TCF4: variants seen among roughly 807,000 people sequenced by gnomAD.
TCF4 encodes the protein transcription factor 4, also known as SL3-3 enhancer factor 2.
Under a neutral mutation model 82.1 loss-of-function variants are expected in TCF4, and 3 were observed. The ratio of observed to expected loss-of-function variants is 0.04; its 90% confidence interval spans 0.02 to 0.09. The LOEUF (loss-of-function observed/expected upper bound fraction) is 0.09, where lower values mean the gene tolerates loss of function less well. Among genes scored for constraint, TCF4 ranks in the 10% least tolerant of loss-of-function variants. The probability of loss-of-function intolerance (pLI) is 1.00; values close to 1 mark genes in which losing one functional copy is unlikely to be tolerated. For synonymous variants in TCF4, 276 were observed against 309.6 expected (o/e 0.89, Z 1.14); for missense variants, 518 against 852.7 (o/e 0.61, Z 4.89).
chr18:55,302,530 A>G, intron 8 of TCF4: 1 of 1,536,004 alleles, frequency 6.5e-7, no homozygotes, highest in African/African-American at 1.4e-5. Flanking sequence ...TGACAGCATC[A>G]GAACTTCAAT....
At chr18:55,362,535 G>T (rs372932397) in intron 6 of TCF4, among the ~76,000 whole-genome samples, 1 of 151,850 alleles carries the variant, frequency 6.6e-6, no homozygotes, top group South Asian at 2.1e-4. Flanking sequence ...AATCCATTCC[G>T]AACTTGCTTA....
At chr18:55,380,661 T>A (rs1180196950) in intron 6 of TCF4, among the ~76,000 whole-genome samples, 1 of 152,212 alleles carries the variant, frequency 6.6e-6, no homozygotes, top group Non-Finnish European at 1.5e-5. Flanking sequence ...AAATGTCAGT[T>A]CCGTATCCTG....
intron 6 of TCF4, among the ~76,000 whole-genome samples, chr18:55,370,123 C>G (rs957428377): frequency 6.6e-6 from 1 of 152,140 alleles, no homozygotes; most frequent in Non-Finnish European, 1.5e-5. Flanking sequence ...GAAGGCCGGG[C>G]GCAATGGCTC....
rs560133562 is a variant in TCF4 at position 55,395,659 on chromosome 18, C to T, written c.369+7795G>A. Among the ~76,000 whole-genome samples, 7 of 152,300 alleles carry T rather than the reference C, an allele frequency of 4.6e-5. 1 individual carries two copies. The South Asian group carries it at 1.0e-3, about 23-fold the overall frequency. ...TGCTAAAGGTATTGTTTCAGAATCT[C>T]GCTGTATGTAGCTCTTGTGTTTTTG... On this transcript the variant is annotated intron_variant, in intron 6 of 19. Transcript: ENST00000354452.
At chr18:55,438,860 G>C (rs2095384209) in intron 5 of TCF4, among the ~76,000 whole-genome samples, 1 of 152,212 alleles carries the variant, frequency 6.6e-6, no homozygotes, top group Non-Finnish European at 1.5e-5. Context: ...CCTCATAACA[G>C]TGTTTGCATT....
chr18:55,321,714 C>A (rs1456617715), intron 8 of TCF4: 11 of 1,536,146 alleles, frequency 7.2e-6, no homozygotes, highest in Non-Finnish European at 9.6e-6. Context: ...CCGCCCATGC[C>A]CGGGATTGTG....
chr18:55,365,191 A>G (rs112260764), intron 6 of TCF4, among the ~76,000 whole-genome samples: 9,505 of 97,016 alleles, frequency 0.098, 534 homozygotes, highest in African/African-American at 0.14. Flanking sequence ...ATATATATAT[A>G]TGTGTGTGTG....
chr18:55,378,070 T>C (rs1236640495), intron 6 of TCF4, among the ~76,000 whole-genome samples: 1 of 152,176 alleles, frequency 6.6e-6, no homozygotes, highest in Admixed American at 6.6e-5. Flanking sequence ...AAAATTAGGC[T>C]TTGAAAACTT....
intron 3 of TCF4, among the ~76,000 whole-genome samples, chr18:55,554,712 G>A (rs1040268672): frequency 6.6e-6 from 1 of 152,170 alleles, no homozygotes; most frequent in African/African-American, 2.4e-5. Flanking sequence ...ACCCCAGGGG[G>A]TGCCATGCAG....
intron 15 of TCF4, among the ~76,000 whole-genome samples, chr18:55,245,512 T>C (rs2052778410): frequency 6.6e-6 from 1 of 152,186 alleles, no homozygotes; most frequent in African/African-American, 2.4e-5. Context: ...TCATGTGAAA[T>C]ATTCGAGCCA....
At chr18:55,344,461 C>A (rs778530726) in intron 8 of TCF4, among the ~76,000 whole-genome samples, 4 of 152,018 alleles carry the variant, frequency 2.6e-5, no homozygotes, top group Non-Finnish European at 5.9e-5. Context: ...CTACACTTCT[C>A]AGTAATTTAA....
At chr18:55,268,803 T>C (rs1302742465) in intron 11 of TCF4, 2 of 152,120 alleles carry the variant, frequency 1.3e-5, no homozygotes, top group Admixed American at 6.6e-5. Flanking sequence ...ATTATTCTGT[T>C]GCGCCATCTT....
chr18:55,500,367 TTTAAGAAAAAAA>T (rs1020947282), intron 3 of TCF4, among the ~76,000 whole-genome samples: 8 of 152,204 alleles, frequency 5.3e-5, no homozygotes, highest in Middle Eastern at 3.4e-3. Context: ...GGGAGAAGTA[TTTAAGAAAAAAA>T]TAAAGAGAAA....
In TCF4 at chr18:55,455,320, A is replaced by T. The variant is rs538180172; in HGVS notation, c.304+5699T>A. Among the ~76,000 whole-genome samples the T allele has an allele frequency of 1.1e-4, 17 of 152,114 alleles. No individual in the cohort carries two copies. The East Asian group carries it at 3.1e-3, about 28-fold the overall frequency. On this transcript the variant is annotated intron_variant, in intron 5 of 19. Transcript: ENST00000354452. ...AGCTCAACAATCAAGATTGCTAAAA[A>T]CACCAGCGATGAGGCTCAAACGAGT...
intron 6 of TCF4, among the ~76,000 whole-genome samples, chr18:55,355,677 T>A (rs560048861): frequency 6.6e-6 from 1 of 152,316 alleles, no homozygotes; most frequent in East Asian, 1.9e-4. Context: ...TTATAATTTA[T>A]TTTTATTTCT....
rs534175232 is a variant in TCF4, at chr18:55,583,027, G to A, written c.145+2253C>T. Among the ~76,000 whole-genome samples, 12 of 152,114 alleles carry A rather than the reference G, an allele frequency of 7.9e-5. No individual in the cohort carries two copies. The East Asian group carries it at 2.3e-3, about 29-fold the overall frequency. On this transcript the variant is annotated intron_variant, in intron 3 of 19. Coordinates refer to ENST00000354452, the MANE Select transcript of TCF4 (RefSeq NM_001083962.2). ...ATACAACCCGTTTTCTTAACTAACA[G>A]CCCTGTGTTCAAATACTATCTTGAT...
At chr18:55,262,566 A>T (rs2058281452) in intron 11 of TCF4, among the ~76,000 whole-genome samples, 1 of 152,200 alleles carries the variant, frequency 6.6e-6, no homozygotes, top group Non-Finnish European at 1.5e-5. Context: ...GCAAAACTTC[A>T]TTAAACAGGT....
intron 5 of TCF4, among the ~76,000 whole-genome samples, chr18:55,437,112 T>C (rs148333432): frequency 6.6e-6 from 1 of 152,386 alleles, no homozygotes; most frequent in Non-Finnish European, 1.5e-5. Context: ...TGGTCTTAGC[T>C]ACACATTACA....
chr18:55,631,251 T>C (rs2097731339), intron 2 of TCF4: 1 of 844,420 alleles, frequency 1.2e-6, no homozygotes, highest in East Asian at 2.8e-5. Flanking sequence ...GATTTCATCA[T>C]GTTGGCCAGG....
Sources: gnomAD v4.1 joint callset for allele counts (sites outside exome capture counted in the v4.1 genomes callset) on GRCh38, gnomAD v4.1.1 for gene constraint, MANE v1.5 for transcripts, NCBI Gene and HGNC (gene_info 2026-07-23, HGNC 2026-07-21) for gene names.